The following RBFOX1 variants were observed in gnomAD, a reference collection of about 807,000 sequenced individuals.
The protein encoded by RBFOX1 is RNA binding fox-1 homolog 1.
Under a neutral mutation model 57.7 loss-of-function variants are expected in RBFOX1, and 8 were observed. The ratio of observed to expected loss-of-function variants is 0.14; its 90% confidence interval spans 0.08 to 0.25. RBFOX1 has a LOEUF of 0.25. Ranked by LOEUF, RBFOX1 falls within the 10% of genes least tolerant of loss-of-function variation. RBFOX1 has a pLI of 1.00. For synonymous variants in RBFOX1, 326 were observed against 222.4 expected (o/e 1.47, Z -4.15); for missense variants, 611 against 548.5 (o/e 1.11, Z -1.14).
intron 4 of RBFOX1, among the ~76,000 whole-genome samples, chr16:5,963,088 AT>A (rs2059782097): frequency 6.6e-6 from 1 of 152,182 alleles, no homozygotes; most frequent in Admixed American, 6.5e-5. Flanking sequence ...TTGAAAATGT[AT>A]TTTTATGTGT....
intron 2 of RBFOX1, among the ~76,000 whole-genome samples, chr16:6,550,134 C>T (rs918951923): frequency 6.6e-6 from 1 of 152,044 alleles, no homozygotes; most frequent in African/African-American, 2.4e-5. Flanking sequence ...AGTCCCTCTC[C>T]CTCCCCTCTC....
intron 2 of RBFOX1, among the ~76,000 whole-genome samples, chr16:5,502,908 G>A (rs1307496753): frequency 6.6e-6 from 1 of 152,210 alleles, no homozygotes. Flanking sequence ...ACAGTCCCTA[G>A]AAAGATGGAC....
chr16:7,263,640 G>A (rs1603458728), intron 4 of RBFOX1, among the ~76,000 whole-genome samples: 1 of 152,068 alleles, frequency 6.6e-6, no homozygotes, highest in Non-Finnish European at 1.5e-5. Context: ...GCTCACACCT[G>A]TAATCCCAGC....
chr16:5,359,836 C>T (rs1444612659), intron 1 of RBFOX1, among the ~76,000 whole-genome samples: 1 of 152,148 alleles, frequency 6.6e-6, no homozygotes, highest in East Asian at 1.9e-4. Flanking sequence ...TTAATGGTTT[C>T]CTCTCTGGTC....
At chr16:5,612,743 A>C (rs1439190084) in intron 3 of RBFOX1, among the ~76,000 whole-genome samples, 1 of 152,200 alleles carries the variant, frequency 6.6e-6, no homozygotes, top group African/African-American at 2.4e-5. Flanking sequence ...GAGTAGCTGG[A>C]GTTCAGGGAG....
At chr16:6,006,262 G>T (rs527650289) in intron 4 of RBFOX1, among the ~76,000 whole-genome samples, 1 of 152,162 alleles carries the variant, frequency 6.6e-6, no homozygotes, top group African/African-American at 2.4e-5. Flanking sequence ...CACAGATGTG[G>T]CTGGTCAGAG....
At chr16:7,499,731 G>A (rs2070022258) in intron 4 of RBFOX1, among the ~76,000 whole-genome samples, 1 of 152,018 alleles carries the variant, frequency 6.6e-6, no homozygotes, top group Non-Finnish European at 1.5e-5. Context: ...ATATATTAAG[G>A]CTTTCATTTG....
chr16:7,666,099 C>G (rs1037417927), intron 13 of RBFOX1, among the ~76,000 whole-genome samples: 5 of 152,120 alleles, frequency 3.3e-5, no homozygotes, highest in African/African-American at 9.7e-5. Context: ...GCTTTTCTGT[C>G]TCATGTCCTC....
chr16:7,706,791 G>A (rs918608832), intron 14 of RBFOX1, among the ~76,000 whole-genome samples: 3 of 152,136 alleles, frequency 2.0e-5, no homozygotes, highest in African/African-American at 7.2e-5. Context: ...ATTCCCTCAT[G>A]AAATAAAGAG....
chr16:5,822,346 G>C (rs1179181433), intron 3 of RBFOX1, among the ~76,000 whole-genome samples: 1 of 152,106 alleles, frequency 6.6e-6, no homozygotes, highest in Non-Finnish European at 1.5e-5. Context: ...CTGCTTGGGT[G>C]GTGGGTGTGG....
chr16:5,394,484 TG>T (rs971042334), intron 1 of RBFOX1, among the ~76,000 whole-genome samples: 6 of 152,266 alleles, frequency 3.9e-5, no homozygotes, highest in Non-Finnish European at 5.9e-5. Context: ...ACTTGACCCC[TG>T]AAACATATCT....
At chr16:6,763,558 G>T (rs1262325557) in intron 3 of RBFOX1, among the ~76,000 whole-genome samples, 1 of 152,164 alleles carries the variant, frequency 6.6e-6, no homozygotes, top group Non-Finnish European at 1.5e-5. Context: ...TTTGCTTGGG[G>T]TTATTTCTTA....
intron 4 of RBFOX1, among the ~76,000 whole-genome samples, chr16:7,393,570 A>C (rs544136987): frequency 7.2e-5 from 11 of 152,232 alleles, no homozygotes; most frequent in African/African-American, 2.6e-4. Context: ...GGACAATGCT[A>C]TAGGGGGTGG....
intron 1 of RBFOX1, among the ~76,000 whole-genome samples, chr16:6,094,520 A>G (rs1470901202): frequency 6.6e-6 from 1 of 152,224 alleles, no homozygotes; most frequent in Non-Finnish European, 1.5e-5. Context: ...AGTAGCAAGC[A>G]TTCCACTGGA....
chr16:6,892,521 T>G (rs959630448), intron 3 of RBFOX1, among the ~76,000 whole-genome samples: 1 of 151,946 alleles, frequency 6.6e-6, no homozygotes. Flanking sequence ...AATACAAAAA[T>G]TAGCTGCGCA....
chr16:7,029,257 CAT>C lies in RBFOX1; in HGVS notation c.-15-22792_-15-22791del, dbSNP rs1491539667. On this transcript the variant is annotated intron_variant, in intron 3 of 15. Transcript: ENST00000550418. ...ATACGTATACGTATATATATACACA[CAT>C]ATATATACGTATACGTATATATATA... 9.1e-5 allele frequency among the ~76,000 whole-genome samples: 2 copies of C among 21,918 alleles called. 1 individual carries two copies. Among genetic ancestry groups the C allele is most frequent in the Non-Finnish European group, 2.0e-4 (2 of 10,154 alleles). 14.4% of individuals were successfully genotyped at this position (21,918 alleles called of 152,430 possible).
intron 3 of RBFOX1, among the ~76,000 whole-genome samples, chr16:5,739,726 C>T (rs1430412657): frequency 6.6e-6 from 1 of 152,192 alleles, no homozygotes; most frequent in Non-Finnish European, 1.5e-5. Flanking sequence ...GGGGCTGGGA[C>T]AGGAAATCCT....
At chr16:7,524,238 C>G (rs187674786) in intron 5 of RBFOX1, among the ~76,000 whole-genome samples, 7 of 152,306 alleles carry the variant, frequency 4.6e-5, no homozygotes, top group Admixed American at 4.6e-4. Context: ...TGATTTAACA[C>G]AAAGTGCAGA....
At chr16:7,537,639 C>G (rs2081850254) in intron 5 of RBFOX1, among the ~76,000 whole-genome samples, 1 of 152,190 alleles carries the variant, frequency 6.6e-6, no homozygotes, top group Non-Finnish European at 1.5e-5. Context: ...TGCATCCATC[C>G]TGACCTTGCC....
Sources: gnomAD v4.1 joint callset for allele counts (sites outside exome capture counted in the v4.1 genomes callset) on GRCh38, gnomAD v4.1.1 for gene constraint, MANE v1.5 for transcripts, NCBI Gene and HGNC (gene_info 2026-07-23, HGNC 2026-07-21) for gene names.